Variants in CADM1 observed in about 807,000 individuals in gnomAD.
The protein encoded by CADM1 is TSLC-1.
CADM1 carries 15 observed loss-of-function variants against 53.1 expected under a neutral mutation model. The ratio of observed to expected loss-of-function variants is 0.28; its 90% confidence interval spans 0.19 to 0.44. CADM1 has a LOEUF of 0.44. Ranked by LOEUF, CADM1 falls within the 20% of genes least tolerant of loss-of-function variation. The pLI is 1.00. For synonymous variants in CADM1, 281 were observed against 243.0 expected, an observed-to-expected ratio of 1.16 and a Z score of -1.45; for missense variants, 434 against 611.3, an observed-to-expected ratio of 0.71 and a Z score of 3.06.
At chr11:115,372,973 G>T (rs1946345631) in intron 1 of CADM1, among the ~76,000 whole-genome samples, 1 of 152,198 alleles carries the variant, frequency 6.6e-6, no homozygotes, top group African/African-American at 2.4e-5. Context: ...TAACATTTCT[G>T]CCTAAGAGGA....
intron 1 of CADM1, among the ~76,000 whole-genome samples, chr11:115,442,716 A>G (rs894571020): frequency 6.6e-6 from 1 of 152,182 alleles, no homozygotes; most frequent in African/African-American, 2.4e-5. Context: ...TATTCCCAGT[A>G]AAGAGCTTGA....
At chr11:115,468,499 A>C (rs1948942381) in intron 1 of CADM1, among the ~76,000 whole-genome samples, 1 of 152,188 alleles carries the variant, frequency 6.6e-6, no homozygotes, top group African/African-American at 2.4e-5. Flanking sequence ...AGGAATTAAC[A>C]ACAGTTTCAT....
chr11:115,496,133 T>G (rs1257567704), intron 1 of CADM1, among the ~76,000 whole-genome samples: 2 of 152,184 alleles, frequency 1.3e-5, no homozygotes, highest in Non-Finnish European at 2.9e-5. Context: ...GTTTTAAATT[T>G]TCACGAAAAT....
Position 115,382,310 on chromosome 11 carries a change from G to A in CADM1, c.124+121961C>T, listed in dbSNP as rs184715739. Among the ~76,000 whole-genome samples, 13 of 151,996 alleles carry A rather than the reference G, an allele frequency of 8.6e-5. No homozygotes were observed. The East Asian group carries it at 1.3e-3, about 16-fold the overall frequency. ...AATAATACTGTTAATATAAAGATCCGGGGTAAGTCACACAAGAAAAAAAAA... is the reference window on the plus strand; with the variant it reads ...AATAATACTGTTAATATAAAGATCCAGGGTAAGTCACACAAGAAAAAAAAA... On this transcript the variant is annotated intron_variant, in intron 1 of 11. Coordinates refer to ENST00000331581, the MANE Select transcript of CADM1 (RefSeq NM_001301043.2).
intron 1 of CADM1, among the ~76,000 whole-genome samples, chr11:115,255,864 T>C (rs1942768495): frequency 1.3e-5 from 2 of 152,144 alleles, no homozygotes; most frequent in Admixed American, 6.5e-5. Context: ...CAACAACCAA[T>C]GCACAAATGA....
intron 1 of CADM1, among the ~76,000 whole-genome samples, chr11:115,424,676 A>C (rs938207935): frequency 1.3e-5 from 2 of 151,998 alleles, no homozygotes; most frequent in African/African-American, 4.8e-5. Flanking sequence ...ACAGATGTGC[A>C]CCACCATGCC....
At chr11:115,373,629 A>G (rs1946367780) in intron 1 of CADM1, among the ~76,000 whole-genome samples, 1 of 149,962 alleles carries the variant, frequency 6.7e-6, no homozygotes, top group Admixed American at 6.6e-5. Flanking sequence ...AAGAAGAAAG[A>G]ATGTGGACAA....
At chr11:115,328,142 T>C (rs1045122862) in intron 1 of CADM1, among the ~76,000 whole-genome samples, 1 of 152,162 alleles carries the variant, frequency 6.6e-6, no homozygotes, top group Non-Finnish European at 1.5e-5. Flanking sequence ...TCCGATTTTT[T>C]TTTTATATCA....
intron 1 of CADM1, among the ~76,000 whole-genome samples, chr11:115,287,057 G>A (rs751207350): frequency 3.9e-5 from 6 of 152,190 alleles, no homozygotes; most frequent in Admixed American, 6.5e-5. Context: ...ACTATTGCCT[G>A]TTTGAAACAC....
intron 1 of CADM1, among the ~76,000 whole-genome samples, chr11:115,475,536 G>A (rs1360394641): frequency 1.3e-5 from 2 of 152,184 alleles, no homozygotes; most frequent in Non-Finnish European, 2.9e-5. Context: ...TTCTGTGAAT[G>A]AAGGGATAGA....
At chr11:115,244,777 A>AT (rs915084498) in intron 1 of CADM1, among the ~76,000 whole-genome samples, 4 of 152,182 alleles carry the variant, frequency 2.6e-5, no homozygotes, top group Non-Finnish European at 2.9e-5. Flanking sequence ...GCAACTTCTG[A>AT]TTTTTTTTAT....
At chr11:115,465,815 T>C (rs374371664) in intron 1 of CADM1, among the ~76,000 whole-genome samples, 13 of 152,296 alleles carry the variant, frequency 8.5e-5, no homozygotes, top group African/African-American at 3.1e-4. Flanking sequence ...GAACCAGTGT[T>C]GTAAGTTTTA....
intron 1 of CADM1, among the ~76,000 whole-genome samples, chr11:115,497,278 G>A (rs936173264): frequency 6.6e-6 from 1 of 152,098 alleles, no homozygotes; most frequent in Non-Finnish European, 1.5e-5. Flanking sequence ...CAAAATGTTA[G>A]GTCAAATGCC....
chr11:115,271,450 T>G (rs1268418948), intron 1 of CADM1, among the ~76,000 whole-genome samples: 2 of 152,046 alleles, frequency 1.3e-5, no homozygotes, highest in Non-Finnish European at 2.9e-5. Context: ...GCCCAGCTAA[T>G]TTTTTGTATT....
chr11:115,476,967 GGTAAAT>G (rs1303839957), intron 1 of CADM1, among the ~76,000 whole-genome samples: 1 of 151,856 alleles, frequency 6.6e-6, no homozygotes, highest in Non-Finnish European at 1.5e-5. Flanking sequence ...ATTTTCAAAT[GGTAAAT>G]CTTAAAATAA....
chr11:115,228,496 T>C (rs1941697149), intron 5 of CADM1, among the ~76,000 whole-genome samples: 1 of 152,192 alleles, frequency 6.6e-6, no homozygotes, highest in Non-Finnish European at 1.5e-5. Flanking sequence ...GGCATAAGAA[T>C]GGCTTTGTGC....
chr11:115,403,311 TCA>T (rs1947211248), intron 1 of CADM1, among the ~76,000 whole-genome samples: 1 of 152,086 alleles, frequency 6.6e-6, no homozygotes. Context: ...TGAAAAACAG[TCA>T]CAGATTAAAG....
intron 1 of CADM1, among the ~76,000 whole-genome samples, chr11:115,347,526 T>C (rs953132442): frequency 4.6e-5 from 7 of 152,188 alleles, no homozygotes; most frequent in Non-Finnish European, 8.8e-5. Context: ...TTATTTTATG[T>C]CATTATAAAA....
chr11:115,502,905 C>T (rs1025078370), intron 1 of CADM1, among the ~76,000 whole-genome samples: 7 of 152,204 alleles, frequency 4.6e-5, no homozygotes, highest in Admixed American at 4.6e-4. Flanking sequence ...CTGTGCCCGC[C>T]CGGGCCTGGG....
Sources: allele counts gnomAD v4.1 joint callset (sites outside exome capture counted in the v4.1 genomes callset), GRCh38; gene constraint gnomAD v4.1.1; transcripts MANE v1.5; gene names NCBI Gene and HGNC (gene_info 2026-07-23, HGNC 2026-07-21).